JAKMIP3: variants seen among roughly 807,000 people sequenced by gnomAD.
JAKMIP3 encodes Janus kinase and microtubule interacting protein 3.
JAKMIP3 carries 58 observed loss-of-function variants against 118.5 expected under a neutral mutation model. The ratio of observed to expected loss-of-function variants is 0.49; its 90% CI spans 0.40 to 0.61. The LOEUF (loss-of-function observed/expected upper bound fraction) is 0.61. JAKMIP3 is among the 20% of genes least tolerant of loss of function. The pLI is 0.00. For missense variants in JAKMIP3, 950 were observed against 1,109.0 expected, an observed-to-expected ratio of 0.86 and a Z score of 2.04; for synonymous variants, 486 against 451.2, an observed-to-expected ratio of 1.08 and a Z score of -0.98.
intron 1 of JAKMIP3, among the ~76,000 whole-genome samples, chr10:132,067,612 CTT>C (rs2039000881): frequency 2.8e-5 from 1 of 36,016 alleles, no homozygotes; most frequent in Non-Finnish European, 6.1e-5. Context: ...GGACTGTGGG[CTT>C]CCGTGTGTAC....
intron 1 of JAKMIP3, among the ~76,000 whole-genome samples, chr10:132,099,532 T>C (rs2044496753): frequency 6.6e-6 from 1 of 152,184 alleles, no homozygotes; most frequent in African/African-American, 2.4e-5. Flanking sequence ...GGGAACCCTG[T>C]GCAGCAGAGG....
chr10:132,041,908 C>T (rs2037768153), intron 1 of JAKMIP3, among the ~76,000 whole-genome samples: 1 of 151,614 alleles, frequency 6.6e-6, no homozygotes, highest in Non-Finnish European at 1.5e-5. Flanking sequence ...CTCTTGTTGC[C>T]CAGGCTGGAG....
At chr10:132,156,690 G>T (rs1380756398) in intron 19 of JAKMIP3, among the ~76,000 whole-genome samples, 1 of 152,168 alleles carries the variant, frequency 6.6e-6, no homozygotes, top group Non-Finnish European at 1.5e-5. Flanking sequence ...GGCAAGCAGG[G>T]ACCATGTGCA....
rs1004346795 is a variant in JAKMIP3 at position 132,044,605 on chromosome 10, C to T, written c.-138+7867C>T. On this transcript the variant is annotated intron_variant, in intron 1 of 23. Transcript: ENST00000657785. The surrounding 1 kb of genome is among the most constrained non-coding windows in gnomAD (Gnocchi z 5.3). ...GGACTAGAGCAGGCTGGGGTCCTGG[C>T]GCGGGCTCTTCCTCAGGGCAGCAGG... Among the ~76,000 whole-genome samples, 6 of 152,164 alleles carry T rather than the reference C, an allele frequency of 3.9e-5. No homozygotes were observed. Among genetic ancestry groups the T allele is most frequent in the East Asian group, 1.9e-4 (1 of 5,166 alleles).
At position 132,049,608 on chromosome 10, in the gene JAKMIP3, T is replaced by C. The variant is rs1309080221; in HGVS notation, c.-138+12870T>C. Among the ~76,000 whole-genome samples, 2 of 152,138 alleles carry C rather than the reference T, an allele frequency of 1.3e-5. No individual in the cohort carries two copies. The highest frequency in any genetic ancestry group is 3.9e-4 in the East Asian group (2 of 5,190). ...CATATCCTTGAATGCTGTTTGCGTGTGCCCGGTTCTGTTTGGATGTACAGG... is the reference window on the plus strand; with the variant it reads ...CATATCCTTGAATGCTGTTTGCGTGCGCCCGGTTCTGTTTGGATGTACAGG... On this transcript the variant is annotated intron_variant, in intron 1 of 23. Transcript: ENST00000657785. This position sits in a 1 kb window ranked among gnomAD's most constrained non-coding sequence, Gnocchi z 4.3.
rs763531628 is a variant in JAKMIP3 at position 132,153,945 on chromosome 10, C to T, written c.2175C>T (p.Asp725=). The change falls in exon 19 of 24, where the codon GAC becomes GAT. Residue 725 remains aspartate, a synonymous_variant. Coordinates refer to ENST00000684848, the MANE Select transcript of JAKMIP3 (RefSeq NM_001323087.2). ...TCAGTAAGCAGAAGGGCTACCTGGA[C>T]GAGGAGCTGGACTACCGGAAACAGG... ...ELFSKQKGYL[D]EELDYRKQAL... is the part of the protein sequence containing the mutation. The T allele has an allele frequency of 1.8e-5, 29 of 1,612,954 alleles. No homozygotes were observed. Among genetic ancestry groups the T allele is most frequent in the East Asian group, 4.5e-5 (2 of 44,872 alleles).
At chr10:132,128,992 T>C (rs564452303) in intron 3 of JAKMIP3, among the ~76,000 whole-genome samples, 1 of 152,338 alleles carries the variant, frequency 6.6e-6, no homozygotes, top group African/African-American at 2.4e-5. Flanking sequence ...AGCTTCGTTA[T>C]TGGTTATTTT....
intron 3 of JAKMIP3, among the ~76,000 whole-genome samples, chr10:132,131,327 C>A (rs1161224465): frequency 6.8e-6 from 1 of 148,118 alleles, no homozygotes; most frequent in Non-Finnish European, 1.5e-5. Context: ...TGTGTGGGGG[C>A]TTGAGAGACA....
chr10:132,138,534 GAGATGAAAAAACA>G (rs1236472071), intron 9 of JAKMIP3, among the ~76,000 whole-genome samples: 1 of 152,232 alleles, frequency 6.6e-6, no homozygotes, highest in Non-Finnish European at 1.5e-5. Context: ...TCAGTCTTTG[GAGATGAAAAAACA>G]ATTTTATTAT....
At chr10:132,111,250 G>A (rs2046817803) in intron 2 of JAKMIP3, among the ~76,000 whole-genome samples, 1 of 152,166 alleles carries the variant, frequency 6.6e-6, no homozygotes, top group African/African-American at 2.4e-5. Context: ...GAGGGAGGCA[G>A]CAATGACGGG....
At chr10:132,182,048 C>T (rs944356582) in intron 23 of JAKMIP3, among the ~76,000 whole-genome samples, 6 of 152,274 alleles carry the variant, frequency 3.9e-5, no homozygotes, top group Non-Finnish European at 8.8e-5. Flanking sequence ...AACCGGGCTG[C>T]TGGCCCAGAC....
chr10:132,137,921 C>T (rs146309008), intron 8 of JAKMIP3, among the ~76,000 whole-genome samples, 198 bp from the exon 9 acceptor site: 4 of 152,328 alleles, frequency 2.6e-5, no homozygotes, highest in East Asian at 1.9e-4. Flanking sequence ...ATTGGGGAGC[C>T]GTCCGTGTCA....
chr10:132,125,599 C>T (rs2049390069), intron 3 of JAKMIP3, among the ~76,000 whole-genome samples: 1 of 152,244 alleles, frequency 6.6e-6, no homozygotes. Context: ...AAAACTGGCA[C>T]CTTGAACCTT....
chr10:132,091,178 T>C (rs1434667190), intron 1 of JAKMIP3, among the ~76,000 whole-genome samples: 2 of 152,232 alleles, frequency 1.3e-5, no homozygotes, highest in African/African-American at 2.4e-5. Flanking sequence ...TTGTATTTGC[T>C]GAGGAGTGCT....
intron 19 of JAKMIP3, among the ~76,000 whole-genome samples, chr10:132,159,972 TGGTGGGGGTCTACTTCTATGTCTTACTG>T: frequency 4.3e-5 from 1 of 23,412 alleles, no homozygotes; most frequent in African/African-American, 1.8e-4. Flanking sequence ...TGTGTGATGC[TGGTGGGGGTCTACTTCTATGTCTTACTG>T]GGGGGGGCCT....
At chr10:132,062,591 AAAG>A (rs1286361774), upstream of JAKMIP3, among the ~76,000 whole-genome samples, 1 of 152,282 alleles carries the variant, frequency 6.6e-6, no homozygotes, top group African/African-American at 2.4e-5. Context: ...TTGAGTGAAA[AAAG>A]AAAATTGCAA....
chr10:132,100,403 C>T lies in JAKMIP3; in HGVS notation c.-137-4269C>T, dbSNP rs111863919. ...ACCACCAGCTGAGATCTCCCACTCC[C>T]GCAGCCTTTGGGTCTCTCTCCAGTC... On this transcript the variant is annotated intron_variant, in intron 1 of 23. Coordinates refer to ENST00000684848, the MANE Select transcript of JAKMIP3 (RefSeq NM_001323087.2). Among the ~76,000 whole-genome samples the T allele has an allele frequency of 7.1e-3, 1,084 of 152,134 alleles. 20 individuals are homozygous for T. Among genetic ancestry groups the T allele is most frequent in the African/African-American group, 0.024 (1,014 of 41,506 alleles).
intron 1 of JAKMIP3, among the ~76,000 whole-genome samples, chr10:132,080,008 C>G (rs552803924): frequency 6.6e-6 from 1 of 152,320 alleles, no homozygotes; most frequent in Admixed American, 6.5e-5. Context: ...CCAGACCCCG[C>G]TTTCAATTCT....
intron 23 of JAKMIP3, among the ~76,000 whole-genome samples, chr10:132,177,151 C>G (rs371706562): frequency 6.6e-6 from 1 of 152,242 alleles, no homozygotes; most frequent in South Asian, 2.1e-4. Context: ...GGCCAGCTGT[C>G]TTGCAATCTA....
Sources: allele counts gnomAD v4.1 joint callset (sites outside exome capture counted in the v4.1 genomes callset), GRCh38; gene constraint gnomAD v4.1.1; non-coding constraint Gnocchi (gnomAD v3.1); transcripts MANE v1.5; gene names NCBI Gene and HGNC (gene_info 2026-07-23, HGNC 2026-07-21).